Variants in ARID1B observed in about 807,000 individuals in gnomAD.
ARID1B encodes AT-rich interaction domain 1B.
In ARID1B, 30 loss-of-function variants were observed where a neutral mutation model predicts 212.3. The ratio of observed to expected loss-of-function variants is 0.14; its 90% CI spans 0.11 to 0.19. The LOEUF is 0.19. Ranked by LOEUF, ARID1B falls within the 10% of genes least tolerant of loss-of-function variation. ARID1B has a pLI of 1.00. For missense variants in ARID1B, 2,891 were observed against 3,204.0 expected (o/e 0.90, Z 2.36); for synonymous variants, 1,402 against 1,301.7 (o/e 1.08, Z -1.66).
intron 4 of ARID1B, among the ~76,000 whole-genome samples, chr6:157,054,004 C>T (rs1263257046): frequency 2.0e-5 from 3 of 152,146 alleles, no homozygotes; most frequent in Non-Finnish European, 4.4e-5. Flanking sequence ...ATGGGTGGAT[C>T]ACCTGAGGTC....
At chr6:156,863,109 CT>C (rs886479801) in intron 2 of ARID1B, among the ~76,000 whole-genome samples, 26 of 152,034 alleles carry the variant, frequency 1.7e-4, no homozygotes, top group Non-Finnish European at 3.7e-4. Flanking sequence ...CTAAGAATGC[CT>C]GAAATTAGCA....
intron 6 of ARID1B, among the ~76,000 whole-genome samples, chr6:157,122,046 A>G (rs1268485349): frequency 1.3e-5 from 2 of 152,184 alleles, no homozygotes; most frequent in Admixed American, 6.5e-5. Context: ...TAACACAGGG[A>G]CATGTTTTAG....
rs1371496107 is a variant in ARID1B at position 157,207,796 on chromosome 6, G to A, written c.7024G>A (p.Glu2342Lys). 1.9e-6 allele frequency: 3 copies of A among 1,557,184 alleles called. No individual in the cohort carries two copies. Among genetic ancestry groups the A allele is most frequent in the Non-Finnish European group, 1.7e-6 (2 of 1,148,668 alleles). ...DENRSEFLLH[E>K]GRLLDISISA... ...AAACCGCTCGGAATTCCTTTTGCAC[G>A]AGGGCCGGTTGCTGGATATCTCGAT... Residue 2342 changes from glutamate to lysine, a missense_variant, in exon 20 of 20, where the codon GAG (glutamate) becomes AAG (lysine). Glu to Lys is a moderately conservative substitution (Grantham distance 56). Coordinates refer to ENST00000636930, the MANE Select transcript of ARID1B (RefSeq NM_001374828.1). This position sits in a 1 kb window ranked among gnomAD's most constrained non-coding sequence, Gnocchi z 8.5.
chr6:157,141,680 T>A (rs1257182585), intron 7 of ARID1B, among the ~76,000 whole-genome samples: 4 of 152,198 alleles, frequency 2.6e-5, no homozygotes, highest in Non-Finnish European at 5.9e-5. Flanking sequence ...AACCAGCAAA[T>A]AAACACATGG....
intron 8 of ARID1B, among the ~76,000 whole-genome samples, chr6:157,163,419 G>A (rs932870969): frequency 6.6e-6 from 1 of 152,210 alleles, no homozygotes; most frequent in African/African-American, 2.4e-5. Flanking sequence ...ACCAAAATCA[G>A]TGGCGTGCAG....
intron 4 of ARID1B, among the ~76,000 whole-genome samples, chr6:157,037,505 C>A (rs1485241197): frequency 6.6e-6 from 1 of 151,974 alleles, no homozygotes; most frequent in East Asian, 1.9e-4. Flanking sequence ...TATACTGAGG[C>A]AAGAAAGGAG....
At position 156,911,338 on chromosome 6, in the gene ARID1B, GTT is replaced by G. The variant is rs57374747; in HGVS notation, c.2136+9833_2136+9834del. On this transcript the variant is annotated intron_variant, in intron 3 of 19. Coordinates refer to ENST00000636930, the MANE Select transcript of ARID1B (RefSeq NM_001374828.1). ...GGTTCTAGACTCAGCTAAATAATTAGTTTTTTTTTTTTTTTTTTTTTGCTTTG... is the reference window on the plus strand; with the variant it reads ...GGTTCTAGACTCAGCTAAATAATTAGTTTTTTTTTTTTTTTTTTTGCTTTG... Among the ~76,000 whole-genome samples the G allele has an allele frequency of 6.6e-3, 700 of 105,352 alleles. 2 individuals are homozygous for G. Among genetic ancestry groups the G allele is most frequent in the East Asian group, 0.023 (75 of 3,246 alleles). 69.1% of individuals were successfully genotyped at this position (105,352 alleles called of 152,430 possible).
At chr6:157,047,920 A>G (rs1415908968) in intron 4 of ARID1B, among the ~76,000 whole-genome samples, 1 of 152,218 alleles carries the variant, frequency 6.6e-6, no homozygotes, top group African/African-American at 2.4e-5. Context: ...ATTCCTTTGC[A>G]TGCAGTTACT....
chr6:156,834,825 G>A (rs1312892066), intron 2 of ARID1B, among the ~76,000 whole-genome samples: 1 of 152,168 alleles, frequency 6.6e-6, no homozygotes, highest in Non-Finnish European at 1.5e-5. Flanking sequence ...GAACATGAAG[G>A]TATTTAAGGT....
intron 4 of ARID1B, chr6:156,976,715 C>T (rs575580623): frequency 9.4e-6 from 4 of 425,722 alleles, no homozygotes; most frequent in Non-Finnish European, 1.4e-5. Context: ...GGTCCGTGGA[C>T]TCTTTTTAAG....
chr6:156,779,163 C>G lies in ARID1B; in HGVS notation c.1483C>G (p.Pro495Ala). 1 of 1,325,080 alleles carries G rather than the reference C, an allele frequency of 7.5e-7. No homozygotes were observed. Among genetic ancestry groups the G allele is most frequent in the Non-Finnish European group, 9.7e-7 (1 of 1,031,234 alleles). 82.1% of individuals were successfully genotyped at this position (1,325,080 alleles called of 1,614,324 possible). The change falls in exon 1 of 20, where the codon CCG becomes GCG. Residue 495 changes from proline (P) to alanine (A), a missense_variant. Around this residue, in one of 7 missense-constraint regions of ARID1B, gnomAD observed 1,643 missense variants for 1,544.0 expected, o/e 1.06. Transcript: ENST00000636930. ...FQRFAGQNQH[P>A]SGATPTLNQL... is the part of the protein sequence containing the mutation. ...GCGCTTCGCCGGCCAGAACCAGCAC[C>G]CGTCGGGGGCCACCCCGACCCTCAA...
intron 5 of ARID1B, among the ~76,000 whole-genome samples, chr6:157,089,234 A>ACGCTGGGCCTGATTGCCCCT (rs1562608223): frequency 1.5e-4 from 22 of 151,206 alleles, no homozygotes; most frequent in Non-Finnish European, 2.5e-4. Flanking sequence ...CTACCCTGGT[A>ACGCTGGGCCTGATTGCCCCT]AATGTAATTG....
chr6:157,013,101 A>G (rs979322255), intron 4 of ARID1B, among the ~76,000 whole-genome samples: 1 of 152,022 alleles, frequency 6.6e-6, no homozygotes, highest in Non-Finnish European at 1.5e-5. Flanking sequence ...CTGGTCCCGA[A>G]CTCCTGACCT....
At chr6:157,170,801 C>G (rs919615896) in intron 9 of ARID1B, among the ~76,000 whole-genome samples, 5 of 152,170 alleles carry the variant, frequency 3.3e-5, no homozygotes, top group African/African-American at 9.7e-5. Flanking sequence ...CAGGGCCTTG[C>G]GTATCCAATG....
chr6:157,001,920 G>A (rs1232643635), intron 4 of ARID1B, among the ~76,000 whole-genome samples: 1 of 152,186 alleles, frequency 6.6e-6, no homozygotes, highest in Non-Finnish European at 1.5e-5. Context: ...AGCAGGCGGC[G>A]AGGGCTCCCC....
chr6:157,173,853 A>G, intron 9 of ARID1B, 155 bp from the exon 10 acceptor site: 1 of 610,424 alleles, frequency 1.6e-6, no homozygotes, highest in Non-Finnish European at 2.8e-6. Context: ...TGCATTTCAG[A>G]AATTAATATG....
intron 2 of ARID1B, among the ~76,000 whole-genome samples, chr6:156,878,439 C>G (rs944463164): frequency 1.3e-5 from 2 of 152,180 alleles, no homozygotes; most frequent in Non-Finnish European, 2.9e-5. Context: ...CCATATCGCC[C>G]CACTGGCATC....
chr6:156,821,578 C>G (rs1782359019), intron 1 of ARID1B, among the ~76,000 whole-genome samples: 1 of 152,240 alleles, frequency 6.6e-6, no homozygotes, highest in East Asian at 1.9e-4. Flanking sequence ...ACCCGTCAGG[C>G]TCTCTGCAGT....
intron 1 of ARID1B, among the ~76,000 whole-genome samples, chr6:156,793,033 C>A (rs930090349): frequency 6.6e-6 from 1 of 152,156 alleles, no homozygotes; most frequent in East Asian, 1.9e-4. Flanking sequence ...CTGCAGTTCG[C>A]ATGGCAGGCA....
Sources: allele counts gnomAD v4.1 joint callset (sites outside exome capture counted in the v4.1 genomes callset), GRCh38; gene constraint gnomAD v4.1.1; regional missense constraint gnomAD v4.1.1; non-coding constraint Gnocchi (gnomAD v3.1); transcripts MANE v1.5; gene names NCBI Gene and HGNC (gene_info 2026-07-23, HGNC 2026-07-21).